Variants in PPM1H observed in about 807,000 individuals in gnomAD.
PPM1H encodes the protein protein phosphatase, Mg2+/Mn2+ dependent 1H, also known as protein phosphatase 1H.
PPM1H carries 27 observed loss-of-function variants against 54.9 expected under a neutral mutation model. The observed-to-expected ratio is 0.49, with a 90% confidence interval of 0.36 to 0.68. PPM1H has a LOEUF of 0.68. PPM1H is among the 30% of genes least tolerant of loss of function. PPM1H has a pLI of 0.00. For synonymous variants in PPM1H, 305 were observed against 270.8 expected (o/e 1.13, Z -1.24); for missense variants, 596 against 667.8 (o/e 0.89, Z 1.19).
At chr12:62,873,768 T>C (rs2121015254) in intron 1 of PPM1H, among the ~76,000 whole-genome samples, 1 of 152,326 alleles carries the variant, frequency 6.6e-6, no homozygotes, top group Non-Finnish European at 1.5e-5. Flanking sequence ...AAACGGTCTT[T>C]AGCCCTATAA....
intron 8 of PPM1H, among the ~76,000 whole-genome samples, chr12:62,670,784 T>A (rs1037194227): frequency 6.6e-6 from 1 of 152,178 alleles, no homozygotes; most frequent in African/African-American, 2.4e-5. Context: ...GTAATTTGTA[T>A]GAAAATAATA....
intron 6 of PPM1H, among the ~76,000 whole-genome samples, chr12:62,702,581 A>AGAGAGAGAGAGAGAGAGAGAGAGAG (rs1555190172): frequency 2.6e-5 from 4 of 151,812 alleles, no homozygotes; most frequent in Non-Finnish European, 5.9e-5. Context: ...AGAGAGAGAG[A>AGAGAGAGAGAGAGAGAGAGAGAGAG]AATACCACTT....
chr12:62,756,035 C>T lies in PPM1H; in HGVS notation c.870-18449G>A. 4 of 1,400,558 alleles carry T rather than the reference C, an allele frequency of 2.9e-6. No homozygotes were observed. The East Asian group carries it at 9.2e-5, about 32-fold the overall frequency. The allele number at this position is 1,400,558 out of a possible 1,614,324, so 86.8% of individuals were successfully genotyped here. A position where few individuals can be genotyped will look rare whatever the true frequency, so the allele number is the denominator to read the frequency against. On this transcript the variant is annotated intron_variant, in intron 4 of 9. Coordinates refer to ENST00000228705, the MANE Select transcript of PPM1H (RefSeq NM_020700.2). ...GTGAAGCAGGCGTCCGAGACCCCCT[C>T]AAGGGCATCCTGGGCTACACTGAGC...
intron 1 of PPM1H, among the ~76,000 whole-genome samples, chr12:62,842,597 G>A (rs558552574): frequency 6.6e-6 from 1 of 152,206 alleles, no homozygotes; most frequent in Admixed American, 6.5e-5. Context: ...GACTATCTAG[G>A]CCTCTGGTAT....
At chr12:62,905,409 T>A (rs922287373) in intron 1 of PPM1H, among the ~76,000 whole-genome samples, 8 of 152,092 alleles carry the variant, frequency 5.3e-5, no homozygotes, top group Non-Finnish European at 1.0e-4. Context: ...CTAGCCAAGA[T>A]GGGACAATGT....
At chr12:62,800,222 G>A (rs878971395) in intron 3 of PPM1H, among the ~76,000 whole-genome samples, 9 of 152,178 alleles carry the variant, frequency 5.9e-5, no homozygotes, top group African/African-American at 1.9e-4. Flanking sequence ...ACCTGATGCC[G>A]TGAGATCCTG....
At chr12:62,922,272 C>A (rs1222483635) in intron 1 of PPM1H, among the ~76,000 whole-genome samples, 1 of 151,378 alleles carries the variant, frequency 6.6e-6, no homozygotes. Context: ...AAATTAGTTT[C>A]CTTTGAGTTA....
At chr12:62,924,464 T>G (rs965411074) in intron 1 of PPM1H, among the ~76,000 whole-genome samples, 1 of 152,218 alleles carries the variant, frequency 6.6e-6, no homozygotes, top group African/African-American at 2.4e-5. Flanking sequence ...GTTTCTGAAT[T>G]TTGATGTTAG....
chr12:62,664,563 C>T (rs1353652897), intron 9 of PPM1H, among the ~76,000 whole-genome samples: 3 of 152,172 alleles, frequency 2.0e-5, no homozygotes, highest in Non-Finnish European at 4.4e-5. Flanking sequence ...TAACACCCCT[C>T]CCTTGACAAT....
intron 1 of PPM1H, among the ~76,000 whole-genome samples, chr12:62,859,141 T>A (rs1454870109): frequency 6.6e-6 from 1 of 152,194 alleles, no homozygotes; most frequent in East Asian, 1.9e-4. Context: ...GCAAATGCTA[T>A]CCCTGGAAGA....
chr12:62,700,339 C>T (rs886937427), intron 6 of PPM1H, among the ~76,000 whole-genome samples: 2 of 152,108 alleles, frequency 1.3e-5, no homozygotes, highest in African/African-American at 4.8e-5. Context: ...CTCTCACTCC[C>T]TTGTTGAAGC....
At chr12:62,877,681 A>G (rs1241952329) in intron 1 of PPM1H, among the ~76,000 whole-genome samples, 1 of 152,062 alleles carries the variant, frequency 6.6e-6, no homozygotes, top group African/African-American at 2.4e-5. Context: ...ACTGCTTGCA[A>G]TCTTAAAGCA....
At chr12:62,714,209 C>T (rs565805139) in intron 6 of PPM1H, among the ~76,000 whole-genome samples, 1 of 152,148 alleles carries the variant, frequency 6.6e-6, no homozygotes, top group East Asian at 1.9e-4. Context: ...TAGGGCAACT[C>T]GGGAAATAAA....
At chr12:62,756,247 C>T in intron 4 of PPM1H, 3 of 738,220 alleles carry the variant, frequency 4.1e-6, no homozygotes, top group South Asian at 2.7e-5. Flanking sequence ...CCCTGGACTA[C>T]CAACCCCAGC....
intron 4 of PPM1H, among the ~76,000 whole-genome samples, chr12:62,759,700 C>T (rs910091550): frequency 1.3e-5 from 2 of 151,902 alleles, no homozygotes; most frequent in East Asian, 1.9e-4. Context: ...CTGACTCCTT[C>T]TCTCCGTGTC....
At chr12:62,807,328 G>C (rs1187429318) in intron 2 of PPM1H, among the ~76,000 whole-genome samples, 1 of 152,192 alleles carries the variant, frequency 6.6e-6, no homozygotes, top group Non-Finnish European at 1.5e-5. Context: ...AAGAAATAAG[G>C]GTGAAAGTCA....
chr12:62,725,093 C>T (rs1051992583), intron 5 of PPM1H, among the ~76,000 whole-genome samples: 1 of 152,192 alleles, frequency 6.6e-6, no homozygotes, highest in Non-Finnish European at 1.5e-5. Context: ...CTAGAGCCAG[C>T]TTACTTCTGA....
chr12:62,700,747 T>C (rs1484248387), intron 6 of PPM1H, among the ~76,000 whole-genome samples: 1 of 152,184 alleles, frequency 6.6e-6, no homozygotes, highest in Non-Finnish European at 1.5e-5. Context: ...GATTTTCCCT[T>C]ACTCCTGTTC....
intron 2 of PPM1H, among the ~76,000 whole-genome samples, chr12:62,814,321 T>C (rs544643945): frequency 4.6e-5 from 7 of 152,068 alleles, no homozygotes; most frequent in Non-Finnish European, 1.0e-4. Context: ...GGCCTCAAGC[T>C]ATCCTCCCAC....
Sources: allele counts gnomAD v4.1 joint callset (sites outside exome capture counted in the v4.1 genomes callset), GRCh38; gene constraint gnomAD v4.1.1; transcripts MANE v1.5; gene names NCBI Gene and HGNC (gene_info 2026-07-23, HGNC 2026-07-21).